TAOK3: variants seen among roughly 807,000 people sequenced by gnomAD.
TAOK3 encodes serine/threonine-protein kinase TAO3.
TAOK3 carries 40 observed loss-of-function variants against 120.4 expected under a neutral mutation model. The observed-to-expected ratio is 0.33, with a 90% CI of 0.26 to 0.43. TAOK3 has a LOEUF of 0.43. Ranked by LOEUF, TAOK3 falls within the 20% of genes least tolerant of loss-of-function variation. TAOK3 has a pLI of 1.00. For synonymous variants in TAOK3, 355 were observed against 387.5 expected (o/e 0.92, Z 0.99); for missense variants, 821 against 1,112.1 (o/e 0.74, Z 3.72).
intron 1 of TAOK3, among the ~76,000 whole-genome samples, chr12:118,269,706 C>T (rs1012926577): frequency 1.3e-5 from 2 of 152,070 alleles, no homozygotes; most frequent in African/African-American, 4.8e-5. Context: ...CATGCATATT[C>T]TCTTCATCTT....
Position 118,255,443 on chromosome 12 carries a change from C to G in TAOK3, c.120+5G>C. On this transcript the variant is annotated splice_donor_5th_base_variant and intron_variant, in intron 3 of 20. Transcript: ENST00000392533. ...TCTATCTAAAAGACTCTTTTAAGTA[C>G]TTACAAAATAAACTGCTCCAAAACT... 6.2e-7 allele frequency: 1 copy of G among 1,613,970 alleles called. No homozygotes were observed. The highest frequency in any genetic ancestry group is 1.1e-5 in the South Asian group (1 of 91,076).
chr12:118,294,560 T>G (rs1009522657), intron 1 of TAOK3, among the ~76,000 whole-genome samples: 1 of 151,968 alleles, frequency 6.6e-6, no homozygotes, highest in African/African-American at 2.4e-5. Context: ...ATTTTTGTAT[T>G]TTTAGTAGAG....
chr12:118,228,168 T>G (rs1441086824), intron 9 of TAOK3, among the ~76,000 whole-genome samples: 1 of 151,472 alleles, frequency 6.6e-6, no homozygotes, highest in East Asian at 1.9e-4. Context: ...TTTTTTTTTT[T>G]TGAGATGGAG....
rs1374713315 is a variant in TAOK3, at chr12:118,226,458, C to T, written c.643+7216G>A. Among the ~76,000 whole-genome samples the T allele has an allele frequency of 5.3e-5, 8 of 151,232 alleles. No individual in the cohort carries two copies. The South Asian group carries it at 1.5e-3, about 28-fold the overall frequency. ...CTGAGGCAGGAGAATCGCTTGAACC[C>T]GGGAACTAGACGTTGCAGTGAGCCG... On this transcript the variant is annotated intron_variant, in intron 9 of 20. Transcript: ENST00000392533.
chr12:118,223,148 C>T (rs1388950710), intron 9 of TAOK3, among the ~76,000 whole-genome samples: 1 of 148,598 alleles, frequency 6.7e-6, no homozygotes, highest in Non-Finnish European at 1.5e-5. Context: ...CGGCTCACTG[C>T]AAGCTCTGCC....
chr12:118,262,781 C>A (rs866404913), intron 2 of TAOK3, among the ~76,000 whole-genome samples: 1 of 141,886 alleles, frequency 7.0e-6, no homozygotes, highest in Non-Finnish European at 1.5e-5. Context: ...GAGCTGAGAT[C>A]GTGTCACTGC....
chr12:118,369,746 A>C (rs997047661), intron 1 of TAOK3, among the ~76,000 whole-genome samples: 2 of 150,686 alleles, frequency 1.3e-5, no homozygotes, highest in African/African-American at 2.5e-5. Context: ...TGGAAAAATA[A>C]ATTTAATGTA....
At chr12:118,229,783 T>C (rs2039680296) in intron 9 of TAOK3, among the ~76,000 whole-genome samples, 1 of 151,794 alleles carries the variant, frequency 6.6e-6, no homozygotes, top group African/African-American at 2.4e-5. Context: ...TACAAAAAAT[T>C]AGCCAGGCGT....
chr12:118,366,810 C>G lies in TAOK3; in HGVS notation c.-194+5838G>C, dbSNP rs902345086. Among the ~76,000 whole-genome samples, 12 of 152,258 alleles carry G rather than the reference C, an allele frequency of 7.9e-5. No homozygotes were observed. The South Asian group carries it at 8.3e-4, about 11-fold the overall frequency. On this transcript the variant is annotated intron_variant, in intron 1 of 20. Transcript: ENST00000392533. The stretch of plus-strand genomic sequence containing the variant: ...CTAGGTATAAAATGTTTACTCCAGG[C>G]CAGGCATGGTGGCTCACGCTTGTAG...
At chr12:118,220,917 A>T (rs2039198779) in intron 9 of TAOK3, among the ~76,000 whole-genome samples, 1 of 152,350 alleles carries the variant, frequency 6.6e-6, no homozygotes, top group African/African-American at 2.4e-5. Context: ...TCTTTGCTAG[A>T]TGTAATAAAT....
At chr12:118,253,828 C>T (rs975808137) in intron 3 of TAOK3, among the ~76,000 whole-genome samples, 1 of 151,430 alleles carries the variant, frequency 6.6e-6, no homozygotes, top group Non-Finnish European at 1.5e-5. Flanking sequence ...CCGAGGTGGT[C>T]AGATCACGAG....
chr12:118,325,023 G>T (rs1249138310), intron 1 of TAOK3, among the ~76,000 whole-genome samples: 3 of 152,086 alleles, frequency 2.0e-5, no homozygotes, highest in Non-Finnish European at 4.4e-5. Flanking sequence ...TGGGATTACA[G>T]GCGTGAGCCA....
chr12:118,291,845 C>T (rs807944), intron 1 of TAOK3, among the ~76,000 whole-genome samples: 20 of 152,018 alleles, frequency 1.3e-4, no homozygotes, highest in Non-Finnish European at 2.4e-4. Flanking sequence ...GATGGAGTCT[C>T]GCTCTGTTGC....
At chr12:118,269,748 T>G (rs1039343728) in intron 1 of TAOK3, among the ~76,000 whole-genome samples, 11 of 152,198 alleles carry the variant, frequency 7.2e-5, no homozygotes, top group Non-Finnish European at 1.6e-4. Flanking sequence ...GTTCTAAAAT[T>G]ATCTCTCTAA....
rs182881704 is a variant in TAOK3, at chr12:118,371,604, C to A, written c.-194+1044G>T. ...ATGCCAGACCCTGGGAGCACCTCCC[C>A]GCTCCACTCGTCTGCGCTGCAGCCG... On this transcript the variant is annotated intron_variant, in intron 1 of 20. Transcript: ENST00000392533. The surrounding 1 kb of genome is among the most constrained non-coding windows in gnomAD (Gnocchi z 5.5). Among the ~76,000 whole-genome samples, 986 of 152,216 alleles carry A rather than the reference C, an allele frequency of 6.5e-3. 13 individuals are homozygous for A. The highest frequency in any genetic ancestry group is 0.01 in the South Asian group (49 of 4,826).
At chr12:118,295,866 A>G (rs1211770261) in intron 1 of TAOK3, among the ~76,000 whole-genome samples, 1 of 152,234 alleles carries the variant, frequency 6.6e-6, no homozygotes, top group Non-Finnish European at 1.5e-5. Flanking sequence ...TGAGTAAAAC[A>G]TTGCATTTAC....
At chr12:118,258,109 C>T (rs893584387) in intron 2 of TAOK3, among the ~76,000 whole-genome samples, 2 of 152,084 alleles carry the variant, frequency 1.3e-5, no homozygotes, top group Non-Finnish European at 2.9e-5. Flanking sequence ...AAAATTAGTT[C>T]ATTCAATATG....
Position 118,164,216 on chromosome 12 carries a change from A to T in TAOK3, c.1900-2189T>A, listed in dbSNP as rs531351533. Among the ~76,000 whole-genome samples, 531 of 150,764 alleles carry T rather than the reference A, an allele frequency of 3.5e-3. 5 individuals are homozygous for T. Among genetic ancestry groups the T allele is most frequent in the African/African-American group, 0.012 (506 of 41,254 alleles). On this transcript the variant is annotated intron_variant, in intron 17 of 20. Coordinates refer to ENST00000392533, the MANE Select transcript of TAOK3 (RefSeq NM_016281.4). Reference sequence around the variant, plus strand: ...GTGGCGGGCACCTGTAGTCCCAGCTACTCGGAAGGCTGAGGCAGGAGAATG... The same window carrying T: ...GTGGCGGGCACCTGTAGTCCCAGCTTCTCGGAAGGCTGAGGCAGGAGAATG...
chr12:118,267,995 T>A (rs538010387), intron 1 of TAOK3, among the ~76,000 whole-genome samples: 1 of 152,288 alleles, frequency 6.6e-6, no homozygotes, highest in African/African-American at 2.4e-5. Flanking sequence ...CTGCCTGCAT[T>A]TTTAAAATGC....
Sources: gnomAD v4.1 joint callset for allele counts (sites outside exome capture counted in the v4.1 genomes callset) on GRCh38, gnomAD v4.1.1 for gene constraint, Gnocchi (gnomAD v3.1) non-coding constraint, MANE v1.5 for transcripts, NCBI Gene and HGNC (gene_info 2026-07-23, HGNC 2026-07-21) for gene names.